UVRAG: variants seen among roughly 807,000 people sequenced by gnomAD.
UVRAG encodes UV radiation resistance associated, also known as UV radiation resistance-associated gene protein.
Under a neutral mutation model 78.0 loss-of-function variants are expected in UVRAG, and 19 were observed. The ratio of observed to expected loss-of-function variants is 0.24; its 90% CI spans 0.17 to 0.36. UVRAG has a LOEUF of 0.36. Ranked by LOEUF, UVRAG falls within the 10% of genes least tolerant of loss-of-function variation. UVRAG has a pLI of 1.00. For synonymous variants in UVRAG, 323 were observed against 324.6 expected, an observed-to-expected ratio of 1.00 and a Z score of 0.05; for missense variants, 740 against 853.8, an observed-to-expected ratio of 0.87 and a Z score of 1.66.
chr11:76,137,521 TGTG>T (rs1383617681), intron 14 of UVRAG: 6 of 453,872 alleles, frequency 1.3e-5, no homozygotes, highest in Admixed American at 9.5e-5. Flanking sequence ...AGGGAAAAAA[TGTG>T]GTGATAAAAA....
chr11:76,081,394 C>CA (rs147547537), intron 13 of UVRAG, among the ~76,000 whole-genome samples: 2,275 of 152,058 alleles, frequency 0.015, 56 homozygotes, highest in African/African-American at 0.052. Flanking sequence ...TTAGTAGAGA[C>CA]AGAGTTTCAC....
intron 12 of UVRAG, among the ~76,000 whole-genome samples, chr11:76,045,883 C>T (rs1950743788): frequency 6.6e-6 from 1 of 152,024 alleles, no homozygotes; most frequent in Non-Finnish European, 1.5e-5. Flanking sequence ...AATTAAAATA[C>T]TTGATTTCAA....
chr11:75,830,331 G>A (rs1253446726), intron 1 of UVRAG, among the ~76,000 whole-genome samples: 3 of 151,462 alleles, frequency 2.0e-5, no homozygotes, highest in South Asian at 2.1e-4. Context: ...GTGCAGTGGC[G>A]TGATCTTGGC....
chr11:75,880,451 G>C (rs1428752251), intron 4 of UVRAG, among the ~76,000 whole-genome samples: 1 of 152,182 alleles, frequency 6.6e-6, no homozygotes, highest in Non-Finnish European at 1.5e-5. Flanking sequence ...GGAATAAGAA[G>C]AGCTACTATT....
At chr11:75,934,159 A>T (rs1291344960) in intron 6 of UVRAG, among the ~76,000 whole-genome samples, 1 of 152,252 alleles carries the variant, frequency 6.6e-6, no homozygotes, top group Non-Finnish European at 1.5e-5. Flanking sequence ...CTATTCCGCC[A>T]TTAAAAAAAT....
chr11:75,936,813 C>T (rs1345545719), intron 6 of UVRAG, among the ~76,000 whole-genome samples: 1 of 152,160 alleles, frequency 6.6e-6, no homozygotes, highest in African/African-American at 2.4e-5. Flanking sequence ...CTTGCTGTGT[C>T]TCCCAGGCTG....
At chr11:75,852,826 A>G (rs1039572455) in intron 2 of UVRAG, among the ~76,000 whole-genome samples, 1 of 152,230 alleles carries the variant, frequency 6.6e-6, no homozygotes, top group African/African-American at 2.4e-5. Flanking sequence ...TTATGCTAAC[A>G]AAAGGTGACA....
At chr11:76,002,262 C>G (rs1458476502) in intron 8 of UVRAG, among the ~76,000 whole-genome samples, 1 of 152,138 alleles carries the variant, frequency 6.6e-6, no homozygotes, top group Non-Finnish European at 1.5e-5. Flanking sequence ...AGTTTTATTC[C>G]AGAGCCCACT....
chr11:75,842,983 A>T (rs1945949313), intron 1 of UVRAG, among the ~76,000 whole-genome samples: 1 of 152,176 alleles, frequency 6.6e-6, no homozygotes, highest in South Asian at 2.1e-4. Flanking sequence ...TTTTTTAAGC[A>T]AGTGATCCAG....
intron 3 of UVRAG, 109 bp from the exon 4 acceptor site, chr11:75,879,770 G>A (rs1042070621): frequency 1.4e-5 from 20 of 1,405,170 alleles, no homozygotes; most frequent in Non-Finnish European, 1.7e-5. Context: ...GCAATTTAAT[G>A]TATTTATGAG....
At chr11:75,996,211 A>G (rs1299823489) in intron 8 of UVRAG, among the ~76,000 whole-genome samples, 1 of 150,370 alleles carries the variant, frequency 6.7e-6, no homozygotes, top group Non-Finnish European at 1.5e-5. Context: ...TTTTTTCTCC[A>G]CTTACTCTCA....
intron 13 of UVRAG, among the ~76,000 whole-genome samples, chr11:76,099,434 G>A (rs963386682): frequency 1.1e-4 from 16 of 151,928 alleles, no homozygotes; most frequent in Non-Finnish European, 2.1e-4. Context: ...CTTAAAACAG[G>A]GCCTAATCAA....
intron 8 of UVRAG, among the ~76,000 whole-genome samples, chr11:75,985,385 A>G (rs1949479862): frequency 1.3e-5 from 2 of 151,728 alleles, no homozygotes; most frequent in Non-Finnish European, 2.9e-5. Context: ...TCTTTTGCCC[A>G]TTAATAAAAA....
chr11:75,815,647 G>A, intron 1 of UVRAG, 123 bp downstream of exon 1: 2 of 490,854 alleles, frequency 4.1e-6, no homozygotes, highest in Non-Finnish European at 3.2e-6. Context: ...GGGCTCGCGG[G>A]ACTGAGGAAG....
rs1949232631 is a variant in UVRAG at position 75,976,119 on chromosome 11, GA to G, written c.700-7267del. Among the ~76,000 whole-genome samples the G allele has an allele frequency of 2.0e-5, 3 of 152,214 alleles. No individual in the cohort carries two copies. The South Asian group carries it at 6.2e-4, about 32-fold the overall frequency. On this transcript the variant is annotated intron_variant, in intron 7 of 14. Coordinates refer to ENST00000356136, the MANE Select transcript of UVRAG (RefSeq NM_003369.4). ...CAAAGGCTTTTTCTGCATCTATTGA[GA>G]TAATCATGTGGTTTTTGTCTTTGGT...
chr11:75,899,993 A>T (rs1351255516), intron 5 of UVRAG, among the ~76,000 whole-genome samples: 1 of 152,208 alleles, frequency 6.6e-6, no homozygotes, highest in Non-Finnish European at 1.5e-5. Context: ...CTGCTGCTGC[A>T]GTGTGGTCCC....
chr11:75,977,172 A>C (rs1050230541), intron 7 of UVRAG, among the ~76,000 whole-genome samples: 1 of 152,032 alleles, frequency 6.6e-6, no homozygotes, highest in African/African-American at 2.4e-5. Context: ...CATGTAGTTG[A>C]GCGGTTTTGA....
intron 6 of UVRAG, among the ~76,000 whole-genome samples, chr11:75,951,645 G>A (rs1948706180): frequency 6.6e-6 from 1 of 152,144 alleles, no homozygotes; most frequent in Non-Finnish European, 1.5e-5. Context: ...GCCTCTCAAA[G>A]TTCTGGGATT....
At chr11:75,959,856 C>T (rs1259361632) in intron 6 of UVRAG, among the ~76,000 whole-genome samples, 3 of 152,126 alleles carry the variant, frequency 2.0e-5, no homozygotes, top group Non-Finnish European at 4.4e-5. Context: ...TACTGTAAGG[C>T]TTGGCCTAAT....
Sources: allele counts gnomAD v4.1 joint callset (sites outside exome capture counted in the v4.1 genomes callset), GRCh38; gene constraint gnomAD v4.1.1; transcripts MANE v1.5; gene names NCBI Gene and HGNC (gene_info 2026-07-23, HGNC 2026-07-21).